The following RAPGEF6 variants were observed in gnomAD, a reference collection of about 807,000 sequenced individuals.
The protein encoded by RAPGEF6 is PDZ domain containing guanine nucleotide exchange factor (GEF) 2.
A neutral mutation model predicts 171.4 loss-of-function variants in RAPGEF6; 56 were observed. The ratio of observed to expected loss-of-function variants is 0.33; its 90% CI spans 0.26 to 0.41. The LOEUF (loss-of-function observed/expected upper bound fraction) is 0.41, where lower values mean the gene tolerates loss of function less well. Ranked by LOEUF, RAPGEF6 falls within the 10% of genes least tolerant of loss-of-function variation. The pLI, the probability that RAPGEF6 is intolerant of heterozygous loss-of-function variation, is 1.00. For synonymous variants in RAPGEF6, 692 were observed against 650.1 expected (o/e 1.06, Z -0.98); for missense variants, 1,674 against 1,921.4 (o/e 0.87, Z 2.41).
Position 131,512,167 on chromosome 5 carries a change from G to C in RAPGEF6, c.628-1676C>G, listed in dbSNP as rs143702713. Among the ~76,000 whole-genome samples, 14 of 152,266 alleles carry C rather than the reference G, an allele frequency of 9.2e-5. No individual in the cohort carries two copies. The East Asian group carries it at 2.7e-3, about 29-fold the overall frequency. On this transcript the variant is annotated intron_variant, in intron 7 of 27. Transcript: ENST00000509018. ...GCAGGGCAGAGAAAGAAAGAGCACA[G>C]CATGTGCTGCAAAGAGCATTTGTGA...
intron 1 of RAPGEF6, among the ~76,000 whole-genome samples, chr5:131,628,612 C>T (rs1362551725): frequency 6.6e-6 from 1 of 152,140 alleles, no homozygotes; most frequent in Non-Finnish European, 1.5e-5. Context: ...AGCCTTATAT[C>T]AGAAGAAGAT....
chr5:131,580,602 G>C (rs906747353), intron 4 of RAPGEF6, among the ~76,000 whole-genome samples: 6 of 152,204 alleles, frequency 3.9e-5, no homozygotes, highest in Non-Finnish European at 8.8e-5. Flanking sequence ...AGCAGTGAAA[G>C]GTTATTCATA....
In RAPGEF6 at chr5:131,505,433, A is replaced by G. The variant is rs1463208874; in HGVS notation, c.1032T>C (p.Phe344=). Residue 344 remains phenylalanine (F), a synonymous_variant, in exon 10 of 28, where the codon TTT becomes TTC. Transcript: ENST00000509018. ...GCTTATCCAGAGTGGGAGTAATTCC[A>G]AAACTATTTCCCATAAACAAATTTT... ...KVENLFMGNS[F]GITPTLDKQY... is the part of the protein sequence containing the mutation. The G allele has an allele frequency of 6.2e-7, 1 of 1,613,604 alleles. No homozygotes were observed. Among genetic ancestry groups the G allele is most frequent in the East Asian group, 2.2e-5 (1 of 44,776 alleles).
chr5:131,425,086 C>G lies in RAPGEF6; in HGVS notation c.*2180G>C, dbSNP rs1334604015. ...AAAGCATTTGGCTTTGGCTCCTGATCAATGTGATCAGCTGATCTGAACACT... is the reference window on the plus strand; with the variant it reads ...AAAGCATTTGGCTTTGGCTCCTGATGAATGTGATCAGCTGATCTGAACACT... On this transcript the variant is annotated 3_prime_UTR_variant, in exon 28 of 28. Transcript: ENST00000509018. The G allele has an allele frequency of 6.6e-6, 1 of 152,284 alleles. No homozygotes were observed. The highest frequency in any genetic ancestry group is 1.5e-5 in the Non-Finnish European group (1 of 68,028). The allele number at this position is 152,284 out of a possible 1,614,324, so 9.4% of individuals were successfully genotyped here. A position where few individuals can be genotyped will look rare whatever the true frequency, so the allele number is the denominator to read the frequency against.
chr5:131,451,012 G>A (rs3776029), intron 21 of RAPGEF6, among the ~76,000 whole-genome samples: 1 of 152,164 alleles, frequency 6.6e-6, no homozygotes, highest in African/African-American at 2.4e-5. Context: ...ACATGTGTAA[G>A]TAAATAGAGG....
rs564226793 is a variant in RAPGEF6, at chr5:131,529,607, TAAAA to T, written c.496-8090_496-8087del. Among the ~76,000 whole-genome samples the T allele has an allele frequency of 3.2e-3, 485 of 151,446 alleles. 3 individuals carry two copies. The highest frequency in any genetic ancestry group is 0.011 in the African/African-American group (461 of 41,276). ...GGCAAAACTTCATGGCATCAAGGAT[TAAAA>T]AAAATAAATAAAACAAAGGCTGGAC... On this transcript the variant is annotated intron_variant, in intron 6 of 27. Coordinates refer to ENST00000509018, the MANE Select transcript of RAPGEF6 (RefSeq NM_016340.6).
chr5:131,455,734 A>G, intron 20 of RAPGEF6, 67 bp downstream of exon 20: 1 of 1,408,694 alleles, frequency 7.1e-7, no homozygotes, highest in Admixed American at 1.7e-5. Context: ...TACCATACAC[A>G]AAAATCAATT....
At chr5:131,439,851 G>A (rs1189140204) in intron 23 of RAPGEF6, 136 bp from the exon 24 acceptor site, 2 of 1,386,978 alleles carry the variant, frequency 1.4e-6, no homozygotes, top group South Asian at 1.5e-5. Context: ...ATGACAAACA[G>A]GGACTAAATG....
chr5:131,624,330 C>CCAT (rs1377658219), intron 1 of RAPGEF6, among the ~76,000 whole-genome samples: 11 of 152,136 alleles, frequency 7.2e-5, no homozygotes, highest in Admixed American at 5.9e-4. Flanking sequence ...CATACTGTTC[C>CCAT]CATCCTATGC....
intron 6 of RAPGEF6, among the ~76,000 whole-genome samples, chr5:131,539,140 A>G (rs2149936333): frequency 6.6e-6 from 1 of 152,324 alleles, no homozygotes; most frequent in East Asian, 1.9e-4. Context: ...TGTGATCAGC[A>G]TTCACTGTCT....
At chr5:131,484,095 CAAA>C (rs757936744) in intron 15 of RAPGEF6, among the ~76,000 whole-genome samples, 2 of 42,058 alleles carry the variant, frequency 4.8e-5, no homozygotes, top group Non-Finnish European at 9.9e-5. Context: ...GACTCCATCT[CAAA>C]AAAAAAAAAA....
intron 3 of RAPGEF6, among the ~76,000 whole-genome samples, chr5:131,599,449 CAAT>C (rs1388495102): frequency 6.6e-6 from 1 of 151,962 alleles, no homozygotes; most frequent in Non-Finnish European, 1.5e-5. Flanking sequence ...GCAAAATAAA[CAAT>C]AAACAAATGA....
At chr5:131,535,350 G>A (rs1248791857) in intron 6 of RAPGEF6, among the ~76,000 whole-genome samples, 1 of 152,134 alleles carries the variant, frequency 6.6e-6, no homozygotes. Flanking sequence ...AACATCCTTT[G>A]AAGAGAATAG....
rs556546618 is a variant in RAPGEF6 at position 131,426,891 on chromosome 5, C to G, written c.*375G>C. 84 of 195,728 alleles carry G rather than the reference C, an allele frequency of 4.3e-4. No individual in the cohort carries two copies. Among genetic ancestry groups the G allele is most frequent in the African/African-American group, 1.7e-3 (71 of 42,728 alleles). 12.1% of individuals were successfully genotyped at this position (195,728 alleles called of 1,614,324 possible). On this transcript the variant is annotated 3_prime_UTR_variant, in exon 28 of 28. Transcript: ENST00000509018. ...AGACAATTTCAATTTGTCCTTCAGC[C>G]CAAGCTATGGCTTGGAAATAATAAT...
chr5:131,451,403 G>A (rs867182178), intron 21 of RAPGEF6, among the ~76,000 whole-genome samples: 1 of 151,378 alleles, frequency 6.6e-6, no homozygotes, highest in Admixed American at 6.6e-5. Context: ...GGGCAACATG[G>A]TGAAACCCTA....
rs376285555 is a variant in RAPGEF6, at chr5:131,513,866, G to A, written c.628-3375C>T. On this transcript the variant is annotated intron_variant, in intron 7 of 27. Coordinates refer to ENST00000509018, the MANE Select transcript of RAPGEF6 (RefSeq NM_016340.6). ...CTACAAAAAAATACAAAAATTAGCCGGGTGTGGTGGCATTAGCCGGGTGTG... is the reference window on the plus strand; with the variant it reads ...CTACAAAAAAATACAAAAATTAGCCAGGTGTGGTGGCATTAGCCGGGTGTG... Among the ~76,000 whole-genome samples, 121 of 151,832 alleles carry A rather than the reference G, an allele frequency of 8.0e-4. 1 individual carries two copies. The highest frequency in any genetic ancestry group is 6.4e-3 in the East Asian group (33 of 5,160).
chr5:131,431,406 T>G lies in RAPGEF6; in HGVS notation c.3975-57A>C. ...CTTGCCAGAAAAACTATCTTCTCTCTGTTTCAAGTTATTATTGCCTGTGAG... is the reference window on the plus strand; with the variant it reads ...CTTGCCAGAAAAACTATCTTCTCTCGGTTTCAAGTTATTATTGCCTGTGAG... On this transcript the variant is annotated intron_variant, in intron 25 of 27. Transcript: ENST00000509018. The G allele has an allele frequency of 7.2e-6, 11 of 1,520,262 alleles. No homozygotes were observed. In the South Asian group the frequency reaches 1.4e-4, roughly 20 times the overall value. 94.2% of individuals were successfully genotyped at this position (1,520,262 alleles called of 1,614,324 possible).
intron 4 of RAPGEF6, among the ~76,000 whole-genome samples, chr5:131,584,919 C>A (rs1409152940): frequency 6.6e-6 from 1 of 152,114 alleles, no homozygotes; most frequent in East Asian, 1.9e-4. Flanking sequence ...TTTGTCTGTA[C>A]AGGTGGGCAG....
chr5:131,461,741 T>G lies in RAPGEF6; in HGVS notation c.2828A>C (p.Glu943Ala). 6.2e-7 allele frequency: 1 copy of G among 1,604,554 alleles called. No individual in the cohort carries two copies. Residue 943 changes from glutamate to alanine, a missense_variant, in exon 19 of 28, where the codon GAA becomes GCA. Glu to Ala is a moderately radical substitution (Grantham distance 107, BLOSUM62 -1). Transcript: ENST00000509018. ...HFIKIALHCR[E>A]CKNFNSMFAI... ...AAACATGGAATTGAAGTTCTTACAT[T>G]CTCGACAATGAAGTGCAATTTTAAT...
Sources: allele counts gnomAD v4.1 joint callset (sites outside exome capture counted in the v4.1 genomes callset), GRCh38; gene constraint gnomAD v4.1.1; transcripts MANE v1.5; gene names NCBI Gene and HGNC (gene_info 2026-07-23, HGNC 2026-07-21).